PRKG1: variants seen among roughly 807,000 people sequenced by gnomAD.
PRKG1 encodes protein kinase cGMP-dependent 1.
A neutral mutation model predicts 88.1 loss-of-function variants in PRKG1; 35 were observed. The observed-to-expected ratio is 0.40, with a 90% CI of 0.30 to 0.53. The LOEUF (loss-of-function observed/expected upper bound fraction) is 0.53, where lower values mean the gene tolerates loss of function less well. Among genes scored for constraint, PRKG1 ranks in the 20% least tolerant of loss-of-function variants. PRKG1 has a pLI of 0.59. For missense variants in PRKG1, 540 were observed against 839.8 expected, an observed-to-expected ratio of 0.64 and a Z score of 4.41; for synonymous variants, 303 against 292.5, an observed-to-expected ratio of 1.04 and a Z score of -0.37.
At position 51,471,493 on chromosome 10, in the gene PRKG1, C is replaced by T. The variant is rs938764767; in HGVS notation, c.592+3657C>T. Among the ~76,000 whole-genome samples the T allele has an allele frequency of 6.6e-5, 10 of 151,756 alleles. 1 individual carries two copies. Among genetic ancestry groups the T allele is most frequent in the South Asian group, 6.2e-4 (3 of 4,822 alleles). On this transcript the variant is annotated intron_variant, in intron 3 of 17. Coordinates refer to ENST00000373980, the MANE Select transcript of PRKG1 (RefSeq NM_006258.4). ...TCACGTTTTCCTAAAGTGTCACTCC[C>T]GGGTGTGATTTCACTTTTACTACCC...
chr10:52,068,196 C>A (rs2133280356), intron 7 of PRKG1, among the ~76,000 whole-genome samples: 1 of 79,668 alleles, frequency 1.3e-5, no homozygotes, highest in Non-Finnish European at 3.0e-5. Flanking sequence ...GAGCGAAACT[C>A]CGTCTCAAAA....
intron 9 of PRKG1, among the ~76,000 whole-genome samples, chr10:52,186,776 G>GA (rs1411320980): frequency 6.6e-6 from 1 of 151,960 alleles, no homozygotes; most frequent in Non-Finnish European, 1.5e-5. Flanking sequence ...ATAAATAGAA[G>GA]AAAAATAAAT....
chr10:51,243,714 C>A (rs1839214420), intron 2 of PRKG1, among the ~76,000 whole-genome samples: 1 of 152,148 alleles, frequency 6.6e-6, no homozygotes, highest in Non-Finnish European at 1.5e-5. Flanking sequence ...TTTTCATATA[C>A]CTGTGAACAA....
intron 2 of PRKG1, among the ~76,000 whole-genome samples, chr10:51,416,678 G>A (rs1377554649): frequency 1.3e-5 from 2 of 152,152 alleles, no homozygotes; most frequent in Non-Finnish European, 2.9e-5. Flanking sequence ...AACCTGTGAT[G>A]GTGTAAGAAC....
intron 3 of PRKG1, among the ~76,000 whole-genome samples, chr10:51,785,957 T>G (rs78108523): frequency 6.6e-6 from 1 of 152,254 alleles, no homozygotes; most frequent in African/African-American, 2.4e-5. Flanking sequence ...ACATAGGAGT[T>G]ATAGAACCTG....
chr10:51,490,727 G>C (rs1333644319), intron 3 of PRKG1, among the ~76,000 whole-genome samples: 1 of 152,020 alleles, frequency 6.6e-6, no homozygotes, highest in African/African-American at 2.4e-5. Context: ...TACAGGTGCA[G>C]AGAGATATGA....
At position 51,387,244 on chromosome 10, in the gene PRKG1, A is replaced by G. The variant is rs192929367; in HGVS notation, c.479-80479A>G. Among the ~76,000 whole-genome samples, 58 of 151,758 alleles carry G rather than the reference A, an allele frequency of 3.8e-4. No homozygotes were observed. In the East Asian group the frequency reaches 0.01, roughly 27 times the overall value. On this transcript the variant is annotated intron_variant, in intron 2 of 17. Transcript: ENST00000373980. ...GTGTAGTTCCACAGGGCCCGTGGTC[A>G]AGGGGGTCTGCACTTGGTTTAATGT...
rs187155655 is a variant in PRKG1, at chr10:51,985,909, C to T, written c.763-68575C>T. On this transcript the variant is annotated intron_variant, in intron 5 of 17. Coordinates refer to ENST00000373980, the MANE Select transcript of PRKG1 (RefSeq NM_006258.4). Reference sequence around the variant, plus strand: ...TGAAGTCAAAAATGCATTTAATACACGTAGCCTACTAAACATCATAGCTTA... The same window carrying T: ...TGAAGTCAAAAATGCATTTAATACATGTAGCCTACTAAACATCATAGCTTA... 2.1e-3 allele frequency among the ~76,000 whole-genome samples: 318 copies of T among 152,230 alleles called. 3 individuals are homozygous for T. Among genetic ancestry groups the T allele is most frequent in the Non-Finnish European group, 3.8e-3 (259 of 68,004 alleles).
chr10:51,791,687 A>G (rs1161698084), intron 3 of PRKG1, among the ~76,000 whole-genome samples: 1 of 152,150 alleles, frequency 6.6e-6, no homozygotes, highest in Non-Finnish European at 1.5e-5. Flanking sequence ...GAAGCAAGGT[A>G]TAGTGGCAAA....
At chr10:51,485,522 A>C (rs1194285423) in intron 3 of PRKG1, among the ~76,000 whole-genome samples, 1 of 152,174 alleles carries the variant, frequency 6.6e-6, no homozygotes, top group African/African-American at 2.4e-5. Context: ...AACAATAAGA[A>C]AGTGATATTA....
At chr10:52,103,290 GAAATTAC>G (rs1490904405) in intron 7 of PRKG1, among the ~76,000 whole-genome samples, 1 of 152,050 alleles carries the variant, frequency 6.6e-6, no homozygotes, top group Non-Finnish European at 1.5e-5. Context: ...AAGTCAGACA[GAAATTAC>G]AATGTATTTC....
chr10:51,661,963 A>C (rs1840311084), intron 3 of PRKG1, among the ~76,000 whole-genome samples: 1 of 152,154 alleles, frequency 6.6e-6, no homozygotes, highest in Non-Finnish European at 1.5e-5. Context: ...CATTCTGAGC[A>C]AACTATTGCA....
At chr10:51,325,045 A>T (rs375620592) in intron 2 of PRKG1, among the ~76,000 whole-genome samples, 19 of 152,150 alleles carry the variant, frequency 1.2e-4, no homozygotes, top group East Asian at 9.6e-4. Context: ...AGTACTTGTT[A>T]TCCTTTCTCT....
intron 3 of PRKG1, among the ~76,000 whole-genome samples, chr10:51,502,044 T>C (rs1300231905): frequency 6.6e-6 from 1 of 152,090 alleles, no homozygotes; most frequent in Non-Finnish European, 1.5e-5. Flanking sequence ...TAAAAACAAT[T>C]TAAACCACAA....
intron 5 of PRKG1, among the ~76,000 whole-genome samples, chr10:52,035,899 A>C (rs1448784547): frequency 6.6e-6 from 1 of 152,058 alleles, no homozygotes; most frequent in African/African-American, 2.4e-5. Context: ...AGTTGTTTGG[A>C]CAGAAAGGCT....
chr10:51,013,091 C>T (rs980175072), intron 1 of PRKG1, among the ~76,000 whole-genome samples: 6 of 152,078 alleles, frequency 3.9e-5, no homozygotes, highest in African/African-American at 7.2e-5. Context: ...CCAGCTCATC[C>T]GAAGGTAGTA....
chr10:52,205,463 C>A (rs7068267), intron 9 of PRKG1, among the ~76,000 whole-genome samples: 23,562 of 152,102 alleles, frequency 0.15, 2,060 homozygotes, highest in South Asian at 0.26. Context: ...CAGAAAAGAA[C>A]CCACGTTGAA....
At chr10:51,537,170 T>A (rs1304951737) in intron 3 of PRKG1, among the ~76,000 whole-genome samples, 6 of 152,144 alleles carry the variant, frequency 3.9e-5, no homozygotes, top group Admixed American at 6.5e-5. Context: ...ATAATTAAAA[T>A]TTTTTTAATG....
chr10:51,797,119 T>A (rs1256078753), intron 3 of PRKG1, among the ~76,000 whole-genome samples: 1 of 150,914 alleles, frequency 6.6e-6, no homozygotes, highest in African/African-American at 2.4e-5. Context: ...ACATGGGGAA[T>A]GTCACCAGTG....
Sources: allele counts gnomAD v4.1 joint callset (sites outside exome capture counted in the v4.1 genomes callset), GRCh38; gene constraint gnomAD v4.1.1; transcripts MANE v1.5; gene names NCBI Gene and HGNC (gene_info 2026-07-23, HGNC 2026-07-21).